BICC1: variants seen among roughly 807,000 people sequenced by gnomAD.
BICC1 encodes protein bicaudal C homolog 1.
A neutral mutation model predicts 111.0 loss-of-function variants in BICC1; 43 were observed. The ratio of observed to expected loss-of-function variants is 0.39; its 90% CI spans 0.30 to 0.50. The LOEUF (loss-of-function observed/expected upper bound fraction) is 0.50, where lower values mean the gene tolerates loss of function less well. Ranked by LOEUF, BICC1 falls within the 20% of genes least tolerant of loss-of-function variation. The pLI, the probability that BICC1 is intolerant of heterozygous loss-of-function variation, is 0.88. For missense variants in BICC1, 1,091 were observed against 1,203.2 expected, an observed-to-expected ratio of 0.91 and a Z score of 1.38; for synonymous variants, 467 against 434.4, an observed-to-expected ratio of 1.07 and a Z score of -0.93.
At position 58,785,048 on chromosome 10, in the gene BICC1, A is replaced by G; in HGVS notation, c.355A>G (p.Lys119Glu). ...SGKKEDVKEAKEMIMSVLDTK... is the reference protein window; with the variant it reads ...SGKKEDVKEAEEMIMSVLDTK... Reference sequence around the variant, plus strand: ...AAAGAAAGAAGATGTTAAAGAAGCCAAGGAAATGATCATGTCTGTCTTAGA... The same window carrying G: ...AAAGAAAGAAGATGTTAAAGAAGCCGAGGAAATGATCATGTCTGTCTTAGA... Residue 119 changes from lysine (K) to glutamate (E), a missense_variant, in exon 4 of 21, where the codon AAG (lysine) becomes GAG (glutamate). Lys to Glu is a moderately conservative substitution (Grantham distance 56). Around this residue, in one of 3 missense-constraint regions of BICC1, gnomAD observed 843 missense variants for 900.8 expected, o/e 0.94. Coordinates refer to ENST00000373886, the MANE Select transcript of BICC1 (RefSeq NM_001080512.3). 6.3e-7 allele frequency: 1 copy of G among 1,599,806 alleles called. No individual in the cohort carries two copies. Among genetic ancestry groups the G allele is most frequent in the Non-Finnish European group, 8.5e-7 (1 of 1,172,238 alleles).
intron 2 of BICC1, among the ~76,000 whole-genome samples, chr10:58,632,668 GAT>G (rs1837832153): frequency 6.6e-6 from 1 of 152,200 alleles, no homozygotes; most frequent in Admixed American, 6.5e-5. Context: ...GGGCAGTTTA[GAT>G]TAGATTAAGA....
intron 1 of BICC1, among the ~76,000 whole-genome samples, chr10:58,535,141 C>T (rs1289884418): frequency 2.0e-5 from 3 of 151,472 alleles, no homozygotes; most frequent in Non-Finnish European, 3.0e-5. Flanking sequence ...GAGGAAAAAA[C>T]AAAAAATTTG....
At chr10:58,627,761 G>A (rs1837675070) in intron 2 of BICC1, among the ~76,000 whole-genome samples, 1 of 152,048 alleles carries the variant, frequency 6.6e-6, no homozygotes, top group South Asian at 2.1e-4. Flanking sequence ...CGGGGGCATA[G>A]GACAAACTTG....
At chr10:58,551,019 T>C (rs1317004548) in intron 1 of BICC1, among the ~76,000 whole-genome samples, 1 of 152,230 alleles carries the variant, frequency 6.6e-6, no homozygotes, top group African/African-American at 2.4e-5. Flanking sequence ...AATGCACGTC[T>C]CTGATCTTCC....
intron 2 of BICC1, among the ~76,000 whole-genome samples, chr10:58,676,298 G>T (rs543061328): frequency 6.6e-6 from 1 of 152,156 alleles, no homozygotes; most frequent in Non-Finnish European, 1.5e-5. Flanking sequence ...CTGGAAGGGG[G>T]GCTGAAGCCA....
intron 3 of BICC1, among the ~76,000 whole-genome samples, chr10:58,727,112 A>G (rs1194113690): frequency 1.3e-5 from 2 of 152,218 alleles, no homozygotes; most frequent in African/African-American, 4.8e-5. Flanking sequence ...AAAAAATGAT[A>G]GAATTTAGTG....
At chr10:58,526,287 A>G (rs73294393) in intron 1 of BICC1, among the ~76,000 whole-genome samples, 3,880 of 152,010 alleles carry the variant, frequency 0.026, 177 homozygotes, top group African/African-American at 0.089. Flanking sequence ...TAGTTTTCCA[A>G]TTAGGGTTGT....
At chr10:58,723,210 G>A (rs931168859) in intron 3 of BICC1, among the ~76,000 whole-genome samples, 6 of 152,104 alleles carry the variant, frequency 3.9e-5, no homozygotes, top group African/African-American at 1.2e-4. Context: ...GAAGAAGGGA[G>A]TGAGACAAAT....
In BICC1 at chr10:58,530,635, G is replaced by A. The variant is rs116831693; in HGVS notation, c.190+17302G>A. Reference sequence around the variant, plus strand: ...CTGGAATCAGAGATGAAGGTGAGATGGTATATAAGATTGTGTGTCCAGTAC... The same window carrying A: ...CTGGAATCAGAGATGAAGGTGAGATAGTATATAAGATTGTGTGTCCAGTAC... On this transcript the variant is annotated intron_variant, in intron 1 of 20. Coordinates refer to ENST00000373886, the MANE Select transcript of BICC1 (RefSeq NM_001080512.3). Among the ~76,000 whole-genome samples, 1,181 of 148,078 alleles carry A rather than the reference G, an allele frequency of 8.0e-3. 11 individuals are homozygous for A. Among genetic ancestry groups the A allele is most frequent in the African/African-American group, 0.027 (1,109 of 40,444 alleles).
intron 1 of BICC1, among the ~76,000 whole-genome samples, chr10:58,601,075 C>T (rs1845008405): frequency 7.0e-6 from 1 of 142,076 alleles, no homozygotes; most frequent in Admixed American, 7.5e-5. Flanking sequence ...TTGATAAGAA[C>T]ACTTCACTAG....
intron 3 of BICC1, among the ~76,000 whole-genome samples, chr10:58,736,493 G>A (rs1841472746): frequency 6.6e-6 from 1 of 152,082 alleles, no homozygotes; most frequent in Non-Finnish European, 1.5e-5. Flanking sequence ...GAAAAATCAA[G>A]TACCAAATAT....
At position 58,790,928 on chromosome 10, in the gene BICC1, T is replaced by C. The variant is rs151228030; in HGVS notation, c.1047+995T>C. Among the ~76,000 whole-genome samples, 394 of 152,370 alleles carry C rather than the reference T, an allele frequency of 2.6e-3. 3 individuals are homozygous for C. Among genetic ancestry groups the C allele is most frequent in the African/African-American group, 9.0e-3 (373 of 41,590 alleles). ...GTATTAAAAACACCATTGTATTCTC[T>C]CATTCAGTGCTTGACCTTTAGTGGC... On this transcript the variant is annotated intron_variant, in intron 8 of 20. Coordinates refer to ENST00000373886, the MANE Select transcript of BICC1 (RefSeq NM_001080512.3).
chr10:58,664,279 T>C (rs1838939177), intron 2 of BICC1, among the ~76,000 whole-genome samples: 1 of 152,204 alleles, frequency 6.6e-6, no homozygotes, highest in Non-Finnish European at 1.5e-5. Flanking sequence ...TAGTAGTTTC[T>C]GATTGTGGAC....
At chr10:58,750,623 A>G (rs1182561089) in intron 3 of BICC1, among the ~76,000 whole-genome samples, 1 of 152,144 alleles carries the variant, frequency 6.6e-6, no homozygotes, top group African/African-American at 2.4e-5. Flanking sequence ...ATAGAAGTTG[A>G]AAGGTGCATC....
intron 1 of BICC1, among the ~76,000 whole-genome samples, chr10:58,566,081 A>G (rs1490508970): frequency 6.6e-6 from 1 of 151,848 alleles, no homozygotes; most frequent in Non-Finnish European, 1.5e-5. Flanking sequence ...AATGATTTCC[A>G]ATTTTATCCA....
chr10:58,803,305 T>A (rs932727679), intron 15 of BICC1, 63 bp downstream of exon 15: 145 of 1,386,000 alleles, frequency 1.0e-4, no homozygotes, highest in Non-Finnish European at 1.3e-4. Flanking sequence ...GTATGGAGAA[T>A]TCAGTGAGTG....
At chr10:58,527,368 C>T (rs200032729) in intron 1 of BICC1, among the ~76,000 whole-genome samples, 5 of 152,026 alleles carry the variant, frequency 3.3e-5, no homozygotes, top group Middle Eastern at 3.2e-3. Flanking sequence ...CTATTCTGTA[C>T]GTTGCCTGTT....
At chr10:58,627,976 C>T (rs1837680887) in intron 2 of BICC1, among the ~76,000 whole-genome samples, 1 of 151,822 alleles carries the variant, frequency 6.6e-6, no homozygotes, top group African/African-American at 2.4e-5. Flanking sequence ...TATTTAATGA[C>T]ATGTTGAAAT....
intron 9 of BICC1, 111 bp from the exon 10 acceptor site, chr10:58,796,229 C>A: frequency 2.3e-6 from 2 of 875,940 alleles, no homozygotes; most frequent in Non-Finnish European, 1.8e-6. Flanking sequence ...ATTGATATGT[C>A]CCCTGAGTGG....
Sources: allele counts gnomAD v4.1 joint callset (sites outside exome capture counted in the v4.1 genomes callset), GRCh38; gene constraint gnomAD v4.1.1; regional missense constraint gnomAD v4.1.1; transcripts MANE v1.5; gene names NCBI Gene and HGNC (gene_info 2026-07-23, HGNC 2026-07-21).